Variants in TRPC5 observed in about 807,000 individuals in gnomAD.
The protein encoded by TRPC5 is transient receptor potential cation channel subfamily C member 5.
A neutral mutation model predicts 56.5 loss-of-function variants in TRPC5; 9 were observed. The observed-to-expected ratio is 0.16, with a 90% CI of 0.10 to 0.28. The LOEUF is 0.28. TRPC5 is among the 10% of genes least tolerant of loss of function. The pLI is 1.00. For missense variants in TRPC5, 469 were observed against 748.9 expected (o/e 0.63, Z 4.36); for synonymous variants, 282 against 278.5 (o/e 1.01, Z -0.13).
chrX:111,867,296 A>G, intron 3 of TRPC5, among the ~76,000 whole-genome samples: 1 of 112,035 alleles, frequency 8.9e-6, no homozygotes. Context: ...CAGTCATTCA[A>G]TCTGGATCTA....
intron 7 of TRPC5, among the ~76,000 whole-genome samples, chrX:111,811,678 A>G (rs1921713922): frequency 2.7e-5 from 3 of 111,479 alleles, no homozygotes; most frequent in Admixed American, 9.6e-5. Context: ...AGTAAATTCA[A>G]GTCTTTGAGT....
chrX:112,004,411 A>G, intron 1 of TRPC5, among the ~76,000 whole-genome samples: 1 of 111,943 alleles, frequency 8.9e-6, no homozygotes, highest in African/African-American at 3.2e-5. Flanking sequence ...AGAATGCTGA[A>G]GGCAATCCTG....
At chrX:111,882,176 A>T (rs1318941032) in intron 3 of TRPC5, among the ~76,000 whole-genome samples, 3 of 111,891 alleles carry the variant, frequency 2.7e-5, no homozygotes, top group African/African-American at 9.8e-5. Context: ...AGTTTTACAG[A>T]CCATTCTCAT....
intron 3 of TRPC5, among the ~76,000 whole-genome samples, chrX:111,907,112 GAA>G (rs746535996): frequency 4.5e-4 from 32 of 70,440 alleles, no homozygotes; most frequent in African/African-American, 1.3e-3. Context: ...AAGGTCATTT[GAA>G]AAAAAAAAAA....
intron 2 of TRPC5, among the ~76,000 whole-genome samples, chrX:111,942,738 T>C (rs1467596932): frequency 8.0e-5 from 9 of 112,512 alleles, no homozygotes; most frequent in Non-Finnish European, 1.5e-4. Flanking sequence ...TTTTCTTGAT[T>C]TGATTGACAA....
At chrX:112,049,416 C>T (rs1930151854) in intron 1 of TRPC5, among the ~76,000 whole-genome samples, 1 of 104,136 alleles carries the variant, frequency 9.6e-6, no homozygotes, top group Non-Finnish European at 1.9e-5. Flanking sequence ...CTACTATATA[C>T]ACACACGCAT....
intron 3 of TRPC5, chrX:111,902,765 A>C (rs2190586): frequency 0.1 from 11,301 of 111,875 alleles, 1,144 homozygotes; most frequent in African/African-American, 0.31. Context: ...AATAAAAGTG[A>C]AGAAAGGTTT....
intron 2 of TRPC5, among the ~76,000 whole-genome samples, chrX:111,943,374 C>T (rs1024325954): frequency 3.6e-5 from 4 of 111,783 alleles, no homozygotes; most frequent in Non-Finnish European, 3.8e-5. Flanking sequence ...TCCAGGCCCT[C>T]GCTGTCCCCC....
chrX:112,069,953 T>C (rs1034736390), intron 1 of TRPC5, among the ~76,000 whole-genome samples: 4 of 112,103 alleles, frequency 3.6e-5, no homozygotes, highest in Non-Finnish European at 7.5e-5. Context: ...AGTATCATTC[T>C]CTCTCCACAA....
intron 7 of TRPC5, among the ~76,000 whole-genome samples, chrX:111,795,058 C>T (rs375358805): frequency 9.0e-6 from 1 of 111,337 alleles, no homozygotes; most frequent in South Asian, 3.7e-4. Flanking sequence ...CCATAGGGGT[C>T]TCTTCATATA....
intron 3 of TRPC5, among the ~76,000 whole-genome samples, chrX:111,904,817 A>C (rs1966366): frequency 0.013 from 1,417 of 111,958 alleles, 4 homozygotes; most frequent in South Asian, 0.03. Context: ...ATCTGCAAAA[A>C]GTTTGTATGA....
intron 6 of TRPC5, among the ~76,000 whole-genome samples, chrX:111,846,242 T>C (rs1378446120): frequency 9.0e-6 from 1 of 111,606 alleles, no homozygotes; most frequent in African/African-American, 3.3e-5. Flanking sequence ...GGGTCATTGC[T>C]ATGAATATCC....
intron 1 of TRPC5, among the ~76,000 whole-genome samples, chrX:112,038,704 C>A (rs749643249): frequency 9.2e-6 from 1 of 109,075 alleles, no homozygotes; most frequent in African/African-American, 3.3e-5. Context: ...TTTTTTGAGA[C>A]AGAGTCTCGC....
intron 6 of TRPC5, among the ~76,000 whole-genome samples, chrX:111,846,273 C>T (rs1051196346): frequency 9.0e-6 from 1 of 111,476 alleles, no homozygotes; most frequent in African/African-American, 3.3e-5. Flanking sequence ...TGCACTCTCC[C>T]GAAGTAGGGG....
At chrX:111,873,797 T>TA (rs891991770) in intron 3 of TRPC5, among the ~76,000 whole-genome samples, 4 of 107,121 alleles carry the variant, frequency 3.7e-5, no homozygotes, top group East Asian at 5.8e-4. Flanking sequence ...AATAAATAAA[T>TA]AAAAAAAATT....
intron 1 of TRPC5, among the ~76,000 whole-genome samples, chrX:111,998,024 C>G (rs146806501): frequency 2.7e-5 from 3 of 111,553 alleles, no homozygotes; most frequent in African/African-American, 9.8e-5. Context: ...CTGTCCAGCT[C>G]TGTTCTGTTG....
chrX:111,958,138 G>T (rs148367634), intron 1 of TRPC5, among the ~76,000 whole-genome samples: 1 of 111,119 alleles, frequency 9.0e-6, no homozygotes, highest in Non-Finnish European at 1.9e-5. Flanking sequence ...ATCACATAGG[G>T]GTCCTTACAC....
chrX:111,920,745 G>T (rs988621964), intron 2 of TRPC5, among the ~76,000 whole-genome samples: 14 of 111,886 alleles, frequency 1.3e-4, no homozygotes, highest in African/African-American at 4.5e-4. Context: ...AGGAGGACTA[G>T]GCTGGTAGGG....
At chrX:111,945,491 G>A (rs928475156) in intron 2 of TRPC5, among the ~76,000 whole-genome samples, 4 of 109,786 alleles carry the variant, frequency 3.6e-5, no homozygotes, top group African/African-American at 6.6e-5. Flanking sequence ...ACATGTGTGC[G>A]CACACACACC....
Sources: allele counts gnomAD v4.1 joint callset (sites outside exome capture counted in the v4.1 genomes callset), GRCh38; gene constraint gnomAD v4.1.1; transcripts MANE v1.5; gene names NCBI Gene and HGNC (gene_info 2026-07-23, HGNC 2026-07-21).